Variants in ASXL2 observed in about 807,000 individuals in gnomAD.
The protein encoded by ASXL2 is ASXL transcriptional regulator 2, also known as putative Polycomb group protein ASXL2.
Under a neutral mutation model 122.0 loss-of-function variants are expected in ASXL2, and 23 were observed. The observed-to-expected ratio is 0.19, with a 90% CI of 0.14 to 0.27. ASXL2 has a LOEUF of 0.27. ASXL2 is among the 10% of genes least tolerant of loss of function. The pLI, the probability that ASXL2 is intolerant of heterozygous loss-of-function variation, is 1.00. For synonymous variants in ASXL2, 650 were observed against 637.0 expected (o/e 1.02, Z -0.31); for missense variants, 1,518 against 1,713.8 (o/e 0.89, Z 2.02).
intron 3 of ASXL2, chr2:25,810,493 C>G (rs1473056468): frequency 2.7e-6 from 2 of 743,440 alleles, no homozygotes; most frequent in African/African-American, 3.4e-5. Context: ...CAGCTGGATC[C>G]TATGGTTCAA....
In ASXL2 at chr2:25,743,207, G is replaced by C. The variant is rs2087867071; in HGVS notation, c.3130C>G (p.Leu1044Val). 6.2e-7 allele frequency: 1 copy of C among 1,613,910 alleles called. No individual in the cohort carries two copies. The highest frequency in any genetic ancestry group is 8.5e-7 in the Non-Finnish European group (1 of 1,179,824). The change falls in exon 13 of 13, where the codon CTG (leucine) becomes GTG (valine). Residue 1044 changes from leucine (L) to valine (V), a missense_variant. Transcript: ENST00000435504. ...TGTGTGTCAATGCTGGAGTCCCTCA[G>C]CTCCTTAGCTGAAAAGAGCTGAAGG... ...RPLQLFSAKE[L>V]RDSSIDTHQY...
chr2:25,842,798 A>G (rs1385614434), intron 2 of ASXL2, among the ~76,000 whole-genome samples: 26 of 138,524 alleles, frequency 1.9e-4, no homozygotes, highest in African/African-American at 5.4e-4. Context: ...GTGTGTATAT[A>G]TATATATATA....
chr2:25,838,981 C>T (rs1294643886), intron 2 of ASXL2, among the ~76,000 whole-genome samples: 1 of 152,180 alleles, frequency 6.6e-6, no homozygotes, highest in Non-Finnish European at 1.5e-5. Flanking sequence ...AGAATCAACA[C>T]ATGAGCTGTA....
chr2:25,781,467 T>C lies in ASXL2; in HGVS notation c.404-9927A>G, dbSNP rs547254658. 3.0e-4 allele frequency among the ~76,000 whole-genome samples: 45 copies of C among 152,266 alleles called. 1 individual carries two copies. The East Asian group carries it at 5.4e-3, about 18-fold the overall frequency. On this transcript the variant is annotated intron_variant, in intron 5 of 12. Coordinates refer to ENST00000435504, the MANE Select transcript of ASXL2 (RefSeq NM_018263.6). Reference sequence around the variant, plus strand: ...TTGTTGTTGATGTTGTTACCGCAAATATATTCTTTTTCATTATTATTTATG... The same window carrying C: ...TTGTTGTTGATGTTGTTACCGCAAACATATTCTTTTTCATTATTATTTATG...
chr2:25,850,537 C>T (rs978993654), intron 1 of ASXL2, among the ~76,000 whole-genome samples: 5 of 152,212 alleles, frequency 3.3e-5, no homozygotes, highest in Admixed American at 2.6e-4. Context: ...AGCAAGAAAA[C>T]TTCATAGGCT....
intron 5 of ASXL2, among the ~76,000 whole-genome samples, chr2:25,790,800 CT>C (rs35046164): frequency 0.12 from 13,291 of 108,636 alleles, 520 homozygotes; most frequent in African/African-American, 0.19. Flanking sequence ...AGTTTTTTGT[CT>C]TTTTTTTTTT....
intron 12 of ASXL2, among the ~76,000 whole-genome samples, chr2:25,748,114 G>T (rs887018875): frequency 6.6e-6 from 1 of 151,938 alleles, no homozygotes; most frequent in Non-Finnish European, 1.5e-5. Flanking sequence ...GGAGGTGGAG[G>T]CTGCAGTGAG....
At chr2:25,845,405 A>C (rs935067318) in intron 2 of ASXL2, 76 bp downstream of exon 2, 34 of 1,337,970 alleles carry the variant, frequency 2.5e-5, no homozygotes, top group East Asian at 2.8e-5. Context: ...CTTCAGGACT[A>C]AAGTATACTA....
chr2:25,868,319 C>A (rs2089926015), intron 1 of ASXL2, among the ~76,000 whole-genome samples: 3 of 152,190 alleles, frequency 2.0e-5, no homozygotes, highest in Admixed American at 2.0e-4. Context: ...GTGGGCCATC[C>A]CAGGCTGTGA....
chr2:25,845,496 C>A lies in ASXL2; in HGVS notation c.125G>T (p.Gly42Val), dbSNP rs868069325. 6.7e-7 allele frequency: 1 copy of A among 1,492,242 alleles called. No individual in the cohort carries two copies. Among genetic ancestry groups the A allele is most frequent in the East Asian group, 2.5e-5 (1 of 39,618 alleles). 92.4% of individuals were successfully genotyped at this position (1,492,242 alleles called of 1,614,324 possible). A position where few individuals can be genotyped will look rare whatever the true frequency, so the allele number is the denominator to read the frequency against. The change falls in exon 2 of 13, where the codon GGA (glycine) becomes GTA (valine). Residue 42 changes from glycine (G) to valine (V), a missense_variant. Physicochemically the swap from Gly to Val is moderately radical, Grantham distance 109. Coordinates refer to ENST00000435504, the MANE Select transcript of ASXL2 (RefSeq NM_018263.6). Reference sequence around the variant, plus strand: ...AATAACTCACCTGATTTCTTTTAGTCCTTCTCTCTGGATAACTTGAAGAAT... The same window carrying A: ...AATAACTCACCTGATTTCTTTTAGTACTTCTCTCTGGATAACTTGAAGAAT... ...KEILQVIQREGLKEIRSGTSP... is the reference protein window; with the variant it reads ...KEILQVIQREVLKEIRSGTSP...
intron 7 of ASXL2, among the ~76,000 whole-genome samples, chr2:25,768,311 AT>A (rs953001832): frequency 6.6e-6 from 1 of 151,312 alleles, no homozygotes; most frequent in Non-Finnish European, 1.5e-5. Context: ...CAGTGCTAAC[AT>A]TTTTTTTTGG....
At chr2:25,748,870 T>C (rs182972568) in intron 12 of ASXL2, among the ~76,000 whole-genome samples, 16 of 152,358 alleles carry the variant, frequency 1.1e-4, no homozygotes, top group Admixed American at 7.2e-4. Flanking sequence ...AGATTTGACA[T>C]GCAGCAATAC....
intron 3 of ASXL2, chr2:25,809,933 C>A: frequency 1.9e-6 from 1 of 520,896 alleles, no homozygotes; most frequent in South Asian, 1.4e-5. Flanking sequence ...CTCTACATCT[C>A]ATTCAGGTCA....
chr2:25,849,452 C>CAAAA (rs34833277), intron 1 of ASXL2, among the ~76,000 whole-genome samples: 2,461 of 70,324 alleles, frequency 0.035, 56 homozygotes, highest in African/African-American at 0.071. Flanking sequence ...GACTCTGACT[C>CAAAA]AAAAAAAAAA....
At chr2:25,824,821 TGAGC>T (rs2089357084) in intron 3 of ASXL2, among the ~76,000 whole-genome samples, 2 of 152,236 alleles carry the variant, frequency 1.3e-5, no homozygotes, top group South Asian at 4.1e-4. Context: ...ATTTCCCCAC[TGAGC>T]ATCATGACAT....
intron 8 of ASXL2, among the ~76,000 whole-genome samples, chr2:25,765,622 G>A (rs755839658): frequency 6.6e-6 from 1 of 152,082 alleles, no homozygotes; most frequent in Non-Finnish European, 1.5e-5. Flanking sequence ...TTAAATAAAC[G>A]GAAATGGTGC....
intron 8 of ASXL2, among the ~76,000 whole-genome samples, chr2:25,759,848 C>A (rs138261397): frequency 6.6e-6 from 1 of 152,074 alleles, no homozygotes; most frequent in Non-Finnish European, 1.5e-5. Context: ...TAAAAGAATA[C>A]AATGTATCTA....
At position 25,878,228 on chromosome 2, in the gene ASXL2, G is replaced by A. The variant is rs749926205; in HGVS notation, c.-6C>T. On this transcript the variant is annotated 5_prime_UTR_variant, in exon 1 of 13. Coordinates refer to ENST00000435504, the MANE Select transcript of ASXL2 (RefSeq NM_018263.6). ...CTACGTCCCTTTTCCCTCATGTCGG[G>A]TCTTGAACTGACTGGGAGGCTCCCG... 5.0e-6 allele frequency: 8 copies of A among 1,613,674 alleles called. No individual in the cohort carries two copies. Among genetic ancestry groups the A allele is most frequent in the African/African-American group, 1.3e-5 (1 of 74,912 alleles).
chr2:25,807,363 T>C (rs2089098168), intron 3 of ASXL2, among the ~76,000 whole-genome samples: 1 of 152,234 alleles, frequency 6.6e-6, no homozygotes. Context: ...CACTGTCTCT[T>C]GGTACTGTGA....
Sources: gnomAD v4.1 joint callset for allele counts (sites outside exome capture counted in the v4.1 genomes callset) on GRCh38, gnomAD v4.1.1 for gene constraint, MANE v1.5 for transcripts, NCBI Gene and HGNC (gene_info 2026-07-23, HGNC 2026-07-21) for gene names.